The following LYPLAL1 variants were observed in gnomAD, a reference collection of about 807,000 sequenced individuals.
LYPLAL1 encodes the protein lysophospholipase like 1, also known as lysophospholipase-like protein 1.
LYPLAL1 carries 23 observed loss-of-function variants against 19.7 expected under a neutral mutation model. That is an observed-to-expected ratio of 1.17 (90% CI 0.84 to 1.65). The LOEUF is 1.65. LYPLAL1 is among the 40% of genes most tolerant of loss of function. The probability of loss-of-function intolerance (pLI) is 0.00; values close to 1 mark genes in which losing one functional copy is unlikely to be tolerated. For synonymous variants in LYPLAL1, 119 were observed against 96.3 expected (o/e 1.24, Z -1.38); for missense variants, 355 against 279.4 (o/e 1.27, Z -1.93).
At chr1:219,175,419 A>G (rs895254051) in intron 1 of LYPLAL1, among the ~76,000 whole-genome samples, 7 of 152,264 alleles carry the variant, frequency 4.6e-5, no homozygotes, top group Non-Finnish European at 1.0e-4. Context: ...ATTTATAAGT[A>G]CCCAGAAATT....
the LYPLAL1 span, among the ~76,000 whole-genome samples, chr1:219,445,060 C>A: frequency 0.086 from 13,034 of 151,112 alleles, 614 homozygotes; most frequent in South Asian, 0.15. Flanking sequence ...AGAAAAAAAT[C>A]CTGTGAATAA....
At chr1:219,357,347 A>C in the LYPLAL1 span, among the ~76,000 whole-genome samples, 1 of 152,220 alleles carries the variant, frequency 6.6e-6, no homozygotes, top group African/African-American at 2.4e-5. Flanking sequence ...TTTCACCATA[A>C]ATAATACTAG....
chr1:219,437,707 C>A, the LYPLAL1 span, among the ~76,000 whole-genome samples: 2 of 151,854 alleles, frequency 1.3e-5, no homozygotes, highest in Non-Finnish European at 2.9e-5. Context: ...CCTTCTCTCC[C>A]TGGTCCCAAA....
the LYPLAL1 span, among the ~76,000 whole-genome samples, chr1:219,343,068 C>T: frequency 6.6e-6 from 1 of 152,110 alleles, no homozygotes; most frequent in African/African-American, 2.4e-5. Context: ...CAGCCCAAGT[C>T]CGACAACTTA....
chr1:219,241,099 TCTCTCTCTCTC>T, the LYPLAL1 span, among the ~76,000 whole-genome samples: 4,795 of 55,666 alleles, frequency 0.086, 163 homozygotes, highest in Non-Finnish European at 0.11. Flanking sequence ...ATATATATAA[TCTCTCTCTCTC>T]TCTCTCTCTC....
At chr1:219,221,613 T>C in the LYPLAL1 span, among the ~76,000 whole-genome samples, 1 of 152,190 alleles carries the variant, frequency 6.6e-6, no homozygotes, top group African/African-American at 2.4e-5. Context: ...GCCTATCTGC[T>C]GGTAGCTGTT....
At chr1:219,421,302 A>T in the LYPLAL1 span, among the ~76,000 whole-genome samples, 1 of 152,208 alleles carries the variant, frequency 6.6e-6, no homozygotes, top group Non-Finnish European at 1.5e-5. Context: ...CCAGTGGCCC[A>T]TCATGTTTTT....
At chr1:219,327,276 A>T in the LYPLAL1 span, among the ~76,000 whole-genome samples, 1 of 152,054 alleles carries the variant, frequency 6.6e-6, no homozygotes, top group Non-Finnish European at 1.5e-5. Flanking sequence ...AGCTTTAGCC[A>T]CCCCCAGCTG....
At chr1:219,421,593 G>T in the LYPLAL1 span, among the ~76,000 whole-genome samples, 1 of 152,112 alleles carries the variant, frequency 6.6e-6, no homozygotes, top group African/African-American at 2.4e-5. Context: ...TCAAATTTGA[G>T]CACTGATTCC....
At chr1:219,444,764 G>T in the LYPLAL1 span, among the ~76,000 whole-genome samples, 1 of 152,182 alleles carries the variant, frequency 6.6e-6, no homozygotes, top group Non-Finnish European at 1.5e-5. Context: ...AGTCTTTGAT[G>T]ATGTTAAACT....
intron 2 of LYPLAL1, among the ~76,000 whole-genome samples, chr1:219,191,418 C>CTATG (rs927812379): frequency 1.3e-5 from 2 of 151,402 alleles, no homozygotes; most frequent in Non-Finnish European, 3.0e-5. Context: ...ATAATATAGC[C>CTATG]ATTAAAAGGG....
chr1:219,200,110 C>T (rs1487563134), intron 3 of LYPLAL1: 2 of 230,464 alleles, frequency 8.7e-6, no homozygotes, highest in South Asian at 7.8e-5. Context: ...TACAGCCTCC[C>T]ATGACAGTGG....
the LYPLAL1 span, among the ~76,000 whole-genome samples, chr1:219,245,213 C>T: frequency 7.0e-6 from 1 of 141,976 alleles, no homozygotes; most frequent in Admixed American, 7.0e-5. Flanking sequence ...TCCTTCCTTC[C>T]TTCCTTCCTT....
At chr1:219,430,459 T>C in the LYPLAL1 span, among the ~76,000 whole-genome samples, 420 of 152,346 alleles carry the variant, frequency 2.8e-3, 1 homozygote, top group Non-Finnish European at 4.5e-3. Context: ...TAATGTCTGA[T>C]ATTTCTTTCC....
chr1:219,352,312 C>A, the LYPLAL1 span, among the ~76,000 whole-genome samples: 11 of 152,182 alleles, frequency 7.2e-5, no homozygotes, highest in African/African-American at 2.6e-4. Flanking sequence ...GAGAGGATCA[C>A]GAGGTCAGGA....
the LYPLAL1 span, among the ~76,000 whole-genome samples, chr1:219,221,161 G>T: frequency 6.6e-6 from 1 of 152,142 alleles, no homozygotes; most frequent in Non-Finnish European, 1.5e-5. Flanking sequence ...ACCACTAAGT[G>T]CAGTGATGAC....
Position 219,174,203 on chromosome 1 carries a change from C to T in LYPLAL1, c.91+222C>T, listed in dbSNP as rs1209258220. On this transcript the variant is annotated intron_variant, in intron 1 of 4. Transcript: ENST00000366928. ...TATCGGGCGGTCACTGGTCCACCAC[C>T]CTCGCTTTGGGGCCTTGTGTCCCGC... The T allele has an allele frequency of 1.1e-5, 15 of 1,409,640 alleles. No homozygotes were observed. The East Asian group carries it at 3.9e-4, about 37-fold the overall frequency. The allele number at this position is 1,409,640 out of a possible 1,614,324, so 87.3% of individuals were successfully genotyped here.
At chr1:219,275,919 C>G in the LYPLAL1 span, among the ~76,000 whole-genome samples, 1 of 152,136 alleles carries the variant, frequency 6.6e-6, no homozygotes, top group Admixed American at 6.6e-5. Context: ...TTTAACTACT[C>G]TTGAAAAGTG....
chr1:219,252,165 C>G, the LYPLAL1 span, among the ~76,000 whole-genome samples: 2 of 152,050 alleles, frequency 1.3e-5, no homozygotes, highest in African/African-American at 2.4e-5. Context: ...AATTGCTCAT[C>G]ATCTGGAGGA....
Sources: allele counts gnomAD v4.1 joint callset (sites outside exome capture counted in the v4.1 genomes callset), GRCh38; gene constraint gnomAD v4.1.1; transcripts MANE v1.5; gene names NCBI Gene and HGNC (gene_info 2026-07-23, HGNC 2026-07-21).